GALNTL6: variants seen among roughly 807,000 people sequenced by gnomAD.
The protein encoded by GALNTL6 is polypeptide N-acetylgalactosaminyltransferase-like 6.
GALNTL6 carries 46 observed loss-of-function variants against 73.7 expected under a neutral mutation model. That is an observed-to-expected ratio of 0.62 (90% confidence interval 0.49 to 0.80). GALNTL6 has a LOEUF of 0.80. Ranked by LOEUF, GALNTL6 falls within the 30% of genes least tolerant of loss-of-function variation. The probability of loss-of-function intolerance (pLI) is 0.00; values close to 1 mark genes in which losing one functional copy is unlikely to be tolerated. For synonymous variants in GALNTL6, 259 were observed against 263.7 expected (o/e 0.98, Z 0.17); for missense variants, 604 against 755.0 (o/e 0.80, Z 2.34).
At chr4:172,083,269 C>T (rs1377208943) in intron 2 of GALNTL6, among the ~76,000 whole-genome samples, 1 of 152,088 alleles carries the variant, frequency 6.6e-6, no homozygotes, top group African/African-American at 2.4e-5. Flanking sequence ...TGTCTTTGCC[C>T]CACTTCAAGA....
chr4:172,392,060 C>T (rs1743681952), intron 5 of GALNTL6, among the ~76,000 whole-genome samples: 1 of 152,100 alleles, frequency 6.6e-6, no homozygotes, highest in South Asian at 2.1e-4. Context: ...ACGATCTCGG[C>T]TCACTGCAAC....
intron 2 of GALNTL6, among the ~76,000 whole-genome samples, chr4:172,177,808 T>TATATGTGTGTGTATATATACACACACAC (rs1735084017): frequency 7.4e-6 from 1 of 135,784 alleles, no homozygotes; most frequent in Non-Finnish European, 1.5e-5. Flanking sequence ...TACACACACA[T>TATATGTGTGTGTATATATACACACACAC]ATATGTGTGT....
chr4:172,216,990 G>T (rs1408919499), intron 2 of GALNTL6, among the ~76,000 whole-genome samples: 1 of 152,140 alleles, frequency 6.6e-6, no homozygotes, highest in Non-Finnish European at 1.5e-5. Flanking sequence ...GGTTGAGTTT[G>T]TCTAAAGATC....
chr4:172,529,222 A>T (rs1295449961), intron 5 of GALNTL6, among the ~76,000 whole-genome samples: 1 of 151,790 alleles, frequency 6.6e-6, no homozygotes, highest in African/African-American at 2.4e-5. Flanking sequence ...TGAAAATATA[A>T]TCTAAAGAAA....
At chr4:172,372,225 A>G (rs1742840784) in intron 5 of GALNTL6, among the ~76,000 whole-genome samples, 1 of 152,224 alleles carries the variant, frequency 6.6e-6, no homozygotes, top group Non-Finnish European at 1.5e-5. Flanking sequence ...CTCAGGGGGC[A>G]TAAGTCTGGA....
Position 172,835,173 on chromosome 4 carries a change from T to A in GALNTL6, c.923+21450T>A, listed in dbSNP as rs147723334. ...AAGTGATGAAGCTGCACTGACACCT[T>A]CCATTATGCAGTGAAAGGCTTTCTC... On this transcript the variant is annotated intron_variant, in intron 7 of 12. Transcript: ENST00000506823. Among the ~76,000 whole-genome samples, 512 of 152,290 alleles carry A rather than the reference T, an allele frequency of 3.4e-3. 6 individuals carry two copies. Among genetic ancestry groups the A allele is most frequent in the African/African-American group, 0.012 (488 of 41,560 alleles).
At chr4:172,371,780 C>T (rs1742821074) in intron 5 of GALNTL6, among the ~76,000 whole-genome samples, 3 of 152,078 alleles carry the variant, frequency 2.0e-5, no homozygotes, top group Admixed American at 6.6e-5. Flanking sequence ...CCTGCCTCTG[C>T]CAGCTGCTTA....
intron 2 of GALNTL6, among the ~76,000 whole-genome samples, chr4:171,926,090 C>T (rs1049308451): frequency 2.0e-5 from 3 of 152,000 alleles, no homozygotes; most frequent in Admixed American, 1.3e-4. Context: ...ATTCCTTTAT[C>T]GAAAGACATA....
chr4:172,694,561 A>G (rs1459315507), intron 5 of GALNTL6, among the ~76,000 whole-genome samples: 1 of 152,042 alleles, frequency 6.6e-6, no homozygotes, highest in Non-Finnish European at 1.5e-5. Context: ...CAACTGCCCT[A>G]TTTCTGTAAA....
intron 2 of GALNTL6, among the ~76,000 whole-genome samples, chr4:172,129,400 A>G (rs544081698): frequency 1.3e-5 from 2 of 152,200 alleles, no homozygotes; most frequent in Non-Finnish European, 2.9e-5. Flanking sequence ...ATGCATGAGG[A>G]AACTCCACAT....
At chr4:171,955,521 T>C (rs1439703224) in intron 2 of GALNTL6, among the ~76,000 whole-genome samples, 4 of 152,088 alleles carry the variant, frequency 2.6e-5, no homozygotes, top group Non-Finnish European at 4.4e-5. Context: ...GTATATTGTT[T>C]GCATATAACC....
intron 5 of GALNTL6, among the ~76,000 whole-genome samples, chr4:172,611,631 T>G (rs1738529931): frequency 3.3e-5 from 5 of 152,064 alleles, no homozygotes; most frequent in Admixed American, 1.3e-4. Flanking sequence ...CCTTGAGGAA[T>G]CTGATGACTA....
chr4:173,002,568 G>A (rs1423247397), intron 10 of GALNTL6, among the ~76,000 whole-genome samples: 1 of 151,758 alleles, frequency 6.6e-6, no homozygotes, highest in Non-Finnish European at 1.5e-5. Context: ...GCCAAGGTGG[G>A]TGGATCATGA....
At chr4:172,103,119 G>C (rs113229041) in intron 2 of GALNTL6, among the ~76,000 whole-genome samples, 8 of 152,250 alleles carry the variant, frequency 5.3e-5, no homozygotes, top group African/African-American at 1.9e-4. Context: ...ACTCCTTCTA[G>C]AGAGACTGCA....
At chr4:172,711,991 A>G (rs1453763631) in intron 5 of GALNTL6, among the ~76,000 whole-genome samples, 1 of 152,188 alleles carries the variant, frequency 6.6e-6, no homozygotes, top group Admixed American at 6.6e-5. Context: ...AGAGCACTTC[A>G]AGAGGACAGA....
At chr4:172,380,059 C>T in intron 5 of GALNTL6, 1 of 960,180 alleles carries the variant, frequency 1.0e-6, no homozygotes, top group Non-Finnish European at 1.7e-6. Context: ...TAGCCTAGTC[C>T]CTGCTCTAGC....
intron 5 of GALNTL6, among the ~76,000 whole-genome samples, chr4:172,563,391 T>C (rs1351723205): frequency 6.6e-6 from 1 of 152,180 alleles, no homozygotes; most frequent in African/African-American, 2.4e-5. Flanking sequence ...ATGAAACCAC[T>C]GTGGTATCCC....
At chr4:172,096,254 C>A (rs1029001786) in intron 2 of GALNTL6, among the ~76,000 whole-genome samples, 1 of 152,074 alleles carries the variant, frequency 6.6e-6, no homozygotes, top group South Asian at 2.1e-4. Context: ...CCGGTGCATG[C>A]CCCCATGCCT....
At chr4:172,321,204 T>C (rs981171296) in intron 4 of GALNTL6, among the ~76,000 whole-genome samples, 6 of 152,272 alleles carry the variant, frequency 3.9e-5, no homozygotes, top group Admixed American at 1.3e-4. Flanking sequence ...TTTAGGCATC[T>C]ACTAGGGGTC....
Sources: allele counts gnomAD v4.1 joint callset (sites outside exome capture counted in the v4.1 genomes callset), GRCh38; gene constraint gnomAD v4.1.1; transcripts MANE v1.5; gene names NCBI Gene and HGNC (gene_info 2026-07-23, HGNC 2026-07-21).